Variants in GOLM1 observed in about 807,000 individuals in gnomAD.
The protein encoded by GOLM1 is golgi membrane protein 1.
GOLM1 carries 31 observed loss-of-function variants against 50.5 expected under a neutral mutation model. That is an observed-to-expected ratio of 0.61 (90% CI 0.46 to 0.83). GOLM1 has a LOEUF of 0.83. Among genes scored for constraint, GOLM1 ranks in the 40% least tolerant of loss-of-function variants. The pLI, the probability that GOLM1 is intolerant of heterozygous loss-of-function variation, is 0.00. For missense variants in GOLM1, 491 were observed against 501.3 expected (o/e 0.98, Z 0.20); for synonymous variants, 178 against 192.8 (o/e 0.92, Z 0.64).
chr9:86,067,728 C>A (rs553376053), intron 3 of GOLM1, among the ~76,000 whole-genome samples: 2 of 152,298 alleles, frequency 1.3e-5, no homozygotes, highest in South Asian at 2.1e-4. Flanking sequence ...GTTGGCCGGG[C>A]GCAGTGGCTC....
intron 7 of GOLM1, among the ~76,000 whole-genome samples, 169 bp from the exon 8 acceptor site, chr9:86,035,794 A>G (rs1833114306): frequency 6.8e-6 from 1 of 147,830 alleles, no homozygotes; most frequent in South Asian, 2.1e-4. Context: ...TTGTGACCTC[A>G]GCCACAGACT....
intron 3 of GOLM1, among the ~76,000 whole-genome samples, chr9:86,065,662 T>C (rs930270325): frequency 4.6e-5 from 7 of 152,186 alleles, no homozygotes; most frequent in African/African-American, 1.4e-4. Context: ...GAGCCTTCCA[T>C]GACCTCTCTG....
intron 1 of GOLM1, among the ~76,000 whole-genome samples, chr9:86,082,335 T>C (rs903828458): frequency 2.6e-5 from 4 of 151,488 alleles, no homozygotes; most frequent in African/African-American, 9.7e-5. Context: ...CTGACACTTT[T>C]TAAAATATCA....
Position 86,027,831 on chromosome 9 carries a change from T to G in GOLM1, c.1192A>C (p.Asn398His). The G allele has an allele frequency of 1.9e-6, 3 of 1,613,388 alleles. No individual in the cohort carries two copies. The highest frequency in any genetic ancestry group is 2.5e-6 in the Non-Finnish European group (3 of 1,179,408). ...INLLDQREKR[N>H]HTL ...TCCAGTTCAATTCAGAGTGTATGAT[T>G]CCGCTTTTCACGCTGATCAAGTAAA... Residue 398 changes from asparagine to histidine, a missense_variant, in exon 10 of 10, where the codon AAT (asparagine) becomes CAT (histidine). By Grantham distance (68) the Asn-to-His change is moderately conservative. Transcript: ENST00000388712.
At chr9:86,035,832 C>T (rs1389657678) in intron 7 of GOLM1, among the ~76,000 whole-genome samples, 2 of 136,076 alleles carry the variant, frequency 1.5e-5, no homozygotes, top group Non-Finnish European at 1.5e-5. Flanking sequence ...TGCAGCTCAT[C>T]GTCAGAACCG....
chr9:86,035,656 T>C, intron 7 of GOLM1, 31 bp from the exon 8 acceptor site: 1 of 1,355,692 alleles, frequency 7.4e-7, no homozygotes, highest in Non-Finnish European at 1.0e-6. Flanking sequence ...GCTGTGACCT[T>C]GCCAGCATTT....
chr9:86,085,066 C>G (rs912678541), intron 1 of GOLM1: 1 of 151,800 alleles, frequency 6.6e-6, no homozygotes, highest in Non-Finnish European at 1.5e-5. Flanking sequence ...AACAAAAAGA[C>G]AGTTAGGCCT....
At chr9:86,060,934 C>T (rs867714613) in intron 3 of GOLM1, among the ~76,000 whole-genome samples, 5 of 112,000 alleles carry the variant, frequency 4.5e-5, no homozygotes, top group Middle Eastern at 7.5e-3. Context: ...GAAGAAGTTA[C>T]ACAACACAGA....
intron 3 of GOLM1, among the ~76,000 whole-genome samples, chr9:86,061,216 T>C (rs1834152847): frequency 6.6e-6 from 1 of 152,218 alleles, no homozygotes; most frequent in South Asian, 2.1e-4. Context: ...CATTGATAAT[T>C]AAATCTGCCA....
At chr9:86,048,042 A>G (rs992810283) in intron 4 of GOLM1, among the ~76,000 whole-genome samples, 28 of 67,222 alleles carry the variant, frequency 4.2e-4, no homozygotes, top group African/African-American at 1.5e-3. Flanking sequence ...CCCCCACCCC[A>G]CGACACGCCC....
chr9:86,050,162 TTA>T (rs1833692848), intron 4 of GOLM1, among the ~76,000 whole-genome samples: 2 of 152,338 alleles, frequency 1.3e-5, no homozygotes, highest in South Asian at 4.1e-4. Flanking sequence ...ATATGATGGA[TTA>T]TGTTTACTGA....
In GOLM1 at chr9:86,040,718, T is replaced by C. The variant is rs536315536; in HGVS notation, c.597+21A>G. 1.9e-6 allele frequency: 3 copies of C among 1,603,842 alleles called. No individual in the cohort carries two copies. In the South Asian group the frequency reaches 3.4e-5, roughly 18 times the overall value. ...GATAGGGGTACCTTCTAGAAACTCTTGGCAAAAATTCCCCAGTTACCTGCT... is the reference window on the plus strand; with the variant it reads ...GATAGGGGTACCTTCTAGAAACTCTCGGCAAAAATTCCCCAGTTACCTGCT... On this transcript the variant is annotated intron_variant, in intron 6 of 9. Transcript: ENST00000388712.
chr9:86,052,567 T>C lies in GOLM1; in HGVS notation c.334A>G (p.Thr112Ala), dbSNP rs1564346496. 1 of 1,613,740 alleles carries C rather than the reference T, an allele frequency of 6.2e-7. No homozygotes were observed. Among genetic ancestry groups the C allele is most frequent in the East Asian group, 2.2e-5 (1 of 44,876 alleles). Residue 112 changes from threonine (T) to alanine (A), a missense_variant, in exon 4 of 10, where the codon ACA becomes GCA. By Grantham distance (58) the Thr-to-Ala change is moderately conservative. Coordinates refer to ENST00000388712, the MANE Select transcript of GOLM1 (RefSeq NM_016548.4). ...EKAVLVNNIT[T>A]GERLIRVLQD... The stretch of plus-strand genomic sequence containing the variant: ...AGCACTCGGATGAGCCTCTCACCTG[T>C]GGTGATGTTATTCACCAAAACCGCC...
chr9:86,039,512 CA>C (rs1833261025), intron 6 of GOLM1, among the ~76,000 whole-genome samples: 1 of 152,178 alleles, frequency 6.6e-6, no homozygotes, highest in South Asian at 2.1e-4. Flanking sequence ...CGGCATTATT[CA>C]TAATAGCCAA....
intron 3 of GOLM1, among the ~76,000 whole-genome samples, chr9:86,062,927 A>C (rs1834203835): frequency 6.6e-6 from 1 of 152,096 alleles, no homozygotes; most frequent in African/African-American, 2.4e-5. Flanking sequence ...TTAGTCCCTG[A>C]CCCTGGATCT....
chr9:86,067,133 G>A (rs1292810306), intron 3 of GOLM1, among the ~76,000 whole-genome samples: 2 of 151,976 alleles, frequency 1.3e-5, no homozygotes, highest in African/African-American at 4.8e-5. Flanking sequence ...ACGGCATTTC[G>A]CCATGCTGAC....
At chr9:86,079,127 CCAT>C in intron 2 of GOLM1, 62 bp downstream of exon 2, 1 of 1,374,910 alleles carries the variant, frequency 7.3e-7, no homozygotes, top group Non-Finnish European at 9.7e-7. Context: ...CCCTGGGACC[CCAT>C]CATAACAAAA....
At chr9:86,060,737 G>A (rs570125112) in intron 3 of GOLM1, among the ~76,000 whole-genome samples, 2 of 151,706 alleles carry the variant, frequency 1.3e-5, no homozygotes, top group African/African-American at 2.4e-5. Flanking sequence ...AATTAACTGG[G>A]TGTGGTGGTG....
intron 3 of GOLM1, 43 bp downstream of exon 3, chr9:86,077,369 C>T (rs1258090091): frequency 6.7e-7 from 1 of 1,496,794 alleles, no homozygotes. Context: ...ATGTAGACAC[C>T]ATCCCTTAGA....
Sources: allele counts gnomAD v4.1 joint callset (sites outside exome capture counted in the v4.1 genomes callset), GRCh38; gene constraint gnomAD v4.1.1; transcripts MANE v1.5; gene names NCBI Gene and HGNC (gene_info 2026-07-23, HGNC 2026-07-21).